The following PAK5 variants were observed in gnomAD, a reference collection of about 807,000 sequenced individuals.
PAK5 encodes the protein serine/threonine-protein kinase PAK 5.
PAK5 carries 16 observed loss-of-function variants against 65.9 expected under a neutral mutation model. The observed-to-expected ratio is 0.24, with a 90% CI of 0.16 to 0.37. PAK5 has a LOEUF of 0.37. PAK5 is among the 10% of genes least tolerant of loss of function. The pLI is 1.00. For missense variants in PAK5, 785 were observed against 903.9 expected (o/e 0.87, Z 1.69); for synonymous variants, 371 against 354.9 (o/e 1.05, Z -0.51).
chr20:9,584,523 G>T (rs56151839), intron 3 of PAK5, among the ~76,000 whole-genome samples: 1 of 151,932 alleles, frequency 6.6e-6, no homozygotes, highest in African/African-American at 2.4e-5. Context: ...ATGTTGGTCA[G>T]GCTGGTCTCA....
chr20:9,555,174 G>A (rs1304278703), intron 7 of PAK5, among the ~76,000 whole-genome samples: 3 of 152,154 alleles, frequency 2.0e-5, no homozygotes, highest in Admixed American at 6.5e-5. Flanking sequence ...TCTGTTACAC[G>A]TAGCAGACAT....
Position 9,625,225 on chromosome 20 carries a change from C to A in PAK5, c.204+18900G>T, listed in dbSNP as rs1386934087. ...CCACCTTCATAAGCTCTAGCTTCAACACCATCTCCTTATATTTGATAACTC... is the reference window on the plus strand; with the variant it reads ...CCACCTTCATAAGCTCTAGCTTCAAAACCATCTCCTTATATTTGATAACTC... On this transcript the variant is annotated intron_variant, in intron 3 of 9. Coordinates refer to ENST00000353224, the MANE Select transcript of PAK5 (RefSeq NM_177990.4). 4.6e-5 allele frequency among the ~76,000 whole-genome samples: 7 copies of A among 152,232 alleles called. No individual in the cohort carries two copies. In the East Asian group the frequency reaches 1.4e-3, roughly 29 times the overall value.
rs73895930 is a variant in PAK5, at chr20:9,625,986, G to A, written c.204+18139C>T. On this transcript the variant is annotated intron_variant, in intron 3 of 9. Transcript: ENST00000353224. ...GCATTCAGGACTGCAGGTGCCACCAGCTAATTGGGCTCACTGGGCTCTGAA... is the reference window on the plus strand; with the variant it reads ...GCATTCAGGACTGCAGGTGCCACCAACTAATTGGGCTCACTGGGCTCTGAA... Among the ~76,000 whole-genome samples, 811 of 152,326 alleles carry A rather than the reference G, an allele frequency of 5.3e-3. 10 individuals are homozygous for A. Among genetic ancestry groups the A allele is most frequent in the African/African-American group, 0.018 (757 of 41,560 alleles).
intron 3 of PAK5, among the ~76,000 whole-genome samples, chr20:9,636,754 GA>G (rs1421803178): frequency 2.0e-5 from 3 of 152,298 alleles, no homozygotes; most frequent in East Asian, 3.9e-4. Context: ...AGGTTGTAGA[GA>G]TTAGAAGATT....
At chr20:9,738,538 T>A (rs888667650) in intron 1 of PAK5, among the ~76,000 whole-genome samples, 1 of 152,130 alleles carries the variant, frequency 6.6e-6, no homozygotes, top group African/African-American at 2.4e-5. Flanking sequence ...TTAGCATAAT[T>A]ATGCTGAGTT....
intron 1 of PAK5, among the ~76,000 whole-genome samples, chr20:9,787,347 C>A (rs1181238077): frequency 1.3e-5 from 2 of 152,182 alleles, no homozygotes; most frequent in Non-Finnish European, 2.9e-5. Flanking sequence ...ACCTCCAGGT[C>A]TTTGCACTGG....
At chr20:9,791,254 G>T (rs902681505) in intron 1 of PAK5, among the ~76,000 whole-genome samples, 4 of 151,982 alleles carry the variant, frequency 2.6e-5, no homozygotes, top group Non-Finnish European at 5.9e-5. Flanking sequence ...GACCTAGCAG[G>T]GTGTCTTTGG....
intron 2 of PAK5, among the ~76,000 whole-genome samples, chr20:9,685,622 A>C (rs113716509): frequency 0.025 from 3,782 of 152,268 alleles, 98 homozygotes; most frequent in African/African-American, 0.065. Flanking sequence ...GGAAACAATA[A>C]ATTTCATAAA....
intron 1 of PAK5, among the ~76,000 whole-genome samples, chr20:9,748,047 T>C (rs368016275): frequency 0.031 from 3,920 of 127,408 alleles, no homozygotes; most frequent in South Asian, 0.11. Context: ...CAATAACAGA[T>C]AAACAGAGAG....
In PAK5 at chr20:9,644,347, A is replaced by T. The variant is rs780579472; in HGVS notation, c.-11-8T>A. 1.9e-6 allele frequency: 3 copies of T among 1,591,758 alleles called. No individual in the cohort carries two copies. The South Asian group carries it at 3.3e-5, about 18-fold the overall frequency. ...CAAACATGATGCCAAAACCTGGGAA[A>T]TATAAATGGAAAAGAGGCAGCCATT... On this transcript the variant is annotated splice_polypyrimidine_tract_variant and splice_region_variant and intron_variant, in intron 2 of 9. Coordinates refer to ENST00000353224, the MANE Select transcript of PAK5 (RefSeq NM_177990.4).
At chr20:9,823,609 G>A (rs762648051) in intron 1 of PAK5, among the ~76,000 whole-genome samples, 4 of 152,158 alleles carry the variant, frequency 2.6e-5, no homozygotes, top group Non-Finnish European at 5.9e-5. Context: ...CCATGATTGC[G>A]TGGCCTTCCC....
In PAK5 at chr20:9,544,480, A is replaced by T. The variant is rs756237655; in HGVS notation, c.1758T>A (p.Asp586Glu). 6.2e-7 allele frequency: 1 copy of T among 1,613,836 alleles called. No homozygotes were observed. The highest frequency in any genetic ancestry group is 8.5e-7 in the Non-Finnish European group (1 of 1,179,790). The part of the protein sequence containing the change: ...LTSDGRIKLS[D>E]FGFCAQVSKE... ...TGGAAACTTGAGCACAGAAACCAAA[A>T]TCAGACAACTTTATCTGAAAAGGAA... The change falls in exon 8 of 10, where the codon GAT (aspartate) becomes GAA (glutamate). Residue 586 changes from aspartate to glutamate, a missense_variant. Physicochemically the swap from Asp to Glu is conservative, Grantham distance 45. Transcript: ENST00000353224.
rs1349491847 is a variant in PAK5 at position 9,748,254 on chromosome 20, AT to A, written c.-161-36820del. ...AAGAATCAATATCATGAAAATGGCC[AT>A]ACTGCCCAAGGTAATTTATAGATTC... is the stretch of plus-strand genomic sequence containing the variant. On this transcript the variant is annotated intron_variant, in intron 1 of 9. Transcript: ENST00000353224. 1.5e-4 allele frequency among the ~76,000 whole-genome samples: 23 copies of A among 152,302 alleles called. No individual in the cohort carries two copies. In the East Asian group the frequency reaches 4.2e-3, roughly 28 times the overall value.
Position 9,562,988 on chromosome 20 carries a change from C to T in PAK5, c.1519G>A (p.Val507Ile). Residue 507 changes from valine (V) to isoleucine (I), a missense_variant, in exon 6 of 10, where the codon GTT becomes ATT. Coordinates refer to ENST00000353224, the MANE Select transcript of PAK5 (RefSeq NM_177990.4). ...IMRDYHHDNV[V>I]DMYSSYLVGD... Reference sequence around the variant, plus strand: ...ACAAGGTAGCTGCTGTACATGTCAACCACATTGTCATGGTGGTAATCCCGC... The same window carrying T: ...ACAAGGTAGCTGCTGTACATGTCAATCACATTGTCATGGTGGTAATCCCGC... 2 of 1,613,034 alleles carry T rather than the reference C, an allele frequency of 1.2e-6. No homozygotes were observed. Among genetic ancestry groups the T allele is most frequent in the Non-Finnish European group, 1.7e-6 (2 of 1,179,086 alleles).
At chr20:9,645,190 G>A (rs1247398510) in intron 2 of PAK5, among the ~76,000 whole-genome samples, 1 of 152,038 alleles carries the variant, frequency 6.6e-6, no homozygotes, top group Non-Finnish European at 1.5e-5. Context: ...AGGCAGGGAG[G>A]AAGACTCACT....
chr20:9,761,590 G>A (rs544562839), intron 1 of PAK5, among the ~76,000 whole-genome samples: 13 of 152,130 alleles, frequency 8.5e-5, no homozygotes, highest in South Asian at 4.2e-4. Flanking sequence ...TAGCCAAACC[G>A]ATTTTGAGCA....
At chr20:9,701,989 C>A (rs1259161212) in intron 2 of PAK5, among the ~76,000 whole-genome samples, 2 of 151,914 alleles carry the variant, frequency 1.3e-5, no homozygotes, top group Admixed American at 1.3e-4. Flanking sequence ...AACAGAGAGA[C>A]CCTGTCTCAA....
rs199702751 is a variant in PAK5, at chr20:9,580,947, G to C, written c.205-17C>G. The C allele has an allele frequency of 5.3e-5, 81 of 1,517,744 alleles. No homozygotes were observed. Among genetic ancestry groups the C allele is most frequent in the Non-Finnish European group, 7.0e-5 (79 of 1,127,144 alleles). 94.0% of individuals were successfully genotyped at this position (1,517,744 alleles called of 1,614,324 possible). On this transcript the variant is annotated splice_polypyrimidine_tract_variant and intron_variant, in intron 3 of 9. Coordinates refer to ENST00000353224, the MANE Select transcript of PAK5 (RefSeq NM_177990.4). ...AACGATTGTCTGGGAATAATAGAGG[G>C]AATATTGTTTAAAGAAAATATTTCA...
chr20:9,546,897 T>C (rs1267950276), intron 7 of PAK5, among the ~76,000 whole-genome samples: 1 of 152,204 alleles, frequency 6.6e-6, no homozygotes, highest in Non-Finnish European at 1.5e-5. Context: ...ACAAACGTGG[T>C]GAATATGATA....
Sources: gnomAD v4.1 joint callset for allele counts (sites outside exome capture counted in the v4.1 genomes callset) on GRCh38, gnomAD v4.1.1 for gene constraint, MANE v1.5 for transcripts, NCBI Gene and HGNC (gene_info 2026-07-23, HGNC 2026-07-21) for gene names.